PRKG1: variants seen among roughly 807,000 people sequenced by gnomAD.
The protein encoded by PRKG1 is cGMP-dependent protein kinase 1.
Under a neutral mutation model 88.1 loss-of-function variants are expected in PRKG1, and 35 were observed. The ratio of observed to expected loss-of-function variants is 0.40; its 90% CI spans 0.30 to 0.53. PRKG1 has a LOEUF of 0.53. PRKG1 is among the 20% of genes least tolerant of loss of function. The probability of loss-of-function intolerance (pLI) is 0.59; values close to 1 mark genes in which losing one functional copy is unlikely to be tolerated. For synonymous variants in PRKG1, 303 were observed against 292.5 expected, an observed-to-expected ratio of 1.04 and a Z score of -0.37; for missense variants, 540 against 839.8, an observed-to-expected ratio of 0.64 and a Z score of 4.41.
chr10:51,670,893 A>G (rs113751241), intron 3 of PRKG1, among the ~76,000 whole-genome samples: 1 of 151,990 alleles, frequency 6.6e-6, no homozygotes, highest in Non-Finnish European at 1.5e-5. Flanking sequence ...CATTTCCTCT[A>G]ATCTCTTAAT....
At chr10:51,859,080 A>T (rs999529438) in intron 4 of PRKG1, among the ~76,000 whole-genome samples, 6 of 152,182 alleles carry the variant, frequency 3.9e-5, no homozygotes, top group Admixed American at 2.0e-4. Context: ...GAGGAAAGGA[A>T]TATTTCTGAT....
intron 3 of PRKG1, among the ~76,000 whole-genome samples, chr10:51,485,186 T>C (rs764866925): frequency 6.6e-6 from 1 of 152,226 alleles, no homozygotes. Context: ...CCTTTTATTT[T>C]TATTTTTTAA....
chr10:51,917,406 T>G (rs1842367095), intron 5 of PRKG1, among the ~76,000 whole-genome samples: 1 of 152,152 alleles, frequency 6.6e-6, no homozygotes, highest in Non-Finnish European at 1.5e-5. Context: ...TGTACAACTC[T>G]GAATATACCG....
At chr10:51,927,064 A>T (rs1450089832) in intron 5 of PRKG1, among the ~76,000 whole-genome samples, 1 of 152,124 alleles carries the variant, frequency 6.6e-6, no homozygotes, top group African/African-American at 2.4e-5. Context: ...CTTAAAATAT[A>T]GATTTCTAGA....
chr10:51,180,291 GT>G (rs1837309884), intron 2 of PRKG1, among the ~76,000 whole-genome samples: 1 of 152,132 alleles, frequency 6.6e-6, no homozygotes, highest in African/African-American at 2.4e-5. Context: ...TGCTTGGTTG[GT>G]TATGTCACCT....
chr10:52,152,279 A>T (rs1248275553), intron 8 of PRKG1, among the ~76,000 whole-genome samples: 1 of 152,176 alleles, frequency 6.6e-6, no homozygotes, highest in African/African-American at 2.4e-5. Context: ...AGGCCAGGAA[A>T]TACTCTAGTT....
chr10:51,172,674 A>G (rs1415574604), intron 2 of PRKG1, among the ~76,000 whole-genome samples: 1 of 127,462 alleles, frequency 7.8e-6, no homozygotes, highest in African/African-American at 3.2e-5. Flanking sequence ...CTATCTATCT[A>G]TCTATCTATC....
At chr10:51,644,772 C>A (rs1475370143) in intron 3 of PRKG1, among the ~76,000 whole-genome samples, 2 of 152,074 alleles carry the variant, frequency 1.3e-5, no homozygotes, top group East Asian at 1.9e-4. Flanking sequence ...TGGCTTCCTT[C>A]CTTCCTCGCT....
At chr10:51,107,345 G>A (rs766977341) in intron 1 of PRKG1, among the ~76,000 whole-genome samples, 36 of 152,088 alleles carry the variant, frequency 2.4e-4, no homozygotes, top group Admixed American at 4.6e-4. Flanking sequence ...AGTGGGGTGC[G>A]ATATTATATG....
chr10:51,104,280 C>A (rs1844763330), intron 1 of PRKG1, among the ~76,000 whole-genome samples: 1 of 152,116 alleles, frequency 6.6e-6, no homozygotes, highest in Non-Finnish European at 1.5e-5. Flanking sequence ...AATTTGGGTC[C>A]AGAGTGGGAA....
In PRKG1 at chr10:51,957,234, CTA is replaced by C. The variant is rs1386527272; in HGVS notation, c.762+49665_762+49666del. The stretch of plus-strand genomic sequence containing the variant: ...ACCTCCCTCTCCTCTCTCTCTTTCT[CTA>C]CTTCTCTCTTTTCTTTCATACATAG... On this transcript the variant is annotated intron_variant, in intron 5 of 17. Transcript: ENST00000373980. Among the ~76,000 whole-genome samples the C allele has an allele frequency of 2.1e-3, 275 of 132,768 alleles. 1 individual carries two copies. Among genetic ancestry groups the C allele is most frequent in the African/African-American group, 7.1e-3 (261 of 36,618 alleles). The allele number at this position is 132,768 out of a possible 152,430, so 87.1% of individuals were successfully genotyped here.
intron 2 of PRKG1, among the ~76,000 whole-genome samples, chr10:51,236,665 G>A (rs1402141603): frequency 6.6e-6 from 1 of 151,964 alleles, no homozygotes; most frequent in Non-Finnish European, 1.5e-5. Flanking sequence ...ACCATGCCCA[G>A]CTAATTTTTG....
At chr10:51,575,826 A>G (rs1463326276) in intron 3 of PRKG1, among the ~76,000 whole-genome samples, 2 of 151,932 alleles carry the variant, frequency 1.3e-5, no homozygotes, top group Non-Finnish European at 2.9e-5. Flanking sequence ...ATCACTAGTC[A>G]TAAGAACAAT....
At chr10:51,882,212 A>G (rs1380470393) in intron 4 of PRKG1, among the ~76,000 whole-genome samples, 1 of 152,182 alleles carries the variant, frequency 6.6e-6, no homozygotes, top group African/African-American at 2.4e-5. Context: ...ATCTGCTATT[A>G]TTGTTAGAAG....
intron 4 of PRKG1, among the ~76,000 whole-genome samples, chr10:51,811,135 C>A (rs1839446062): frequency 6.6e-6 from 1 of 152,280 alleles, no homozygotes; most frequent in South Asian, 2.1e-4. Context: ...GAGTATTACA[C>A]CTTACCTGGA....
intron 2 of PRKG1, among the ~76,000 whole-genome samples, chr10:51,442,825 C>G (rs1839159656): frequency 6.6e-6 from 1 of 152,044 alleles, no homozygotes; most frequent in Admixed American, 6.6e-5. Flanking sequence ...TAGCCAACCT[C>G]TTAGTGGCCT....
At chr10:51,213,771 T>C (rs1048013585) in intron 2 of PRKG1, among the ~76,000 whole-genome samples, 23 of 152,264 alleles carry the variant, frequency 1.5e-4, no homozygotes, top group Admixed American at 6.5e-4. Flanking sequence ...TGTGGGTGTG[T>C]GTGTTTATGT....
chr10:51,607,054 A>T (rs1356706886), intron 3 of PRKG1, among the ~76,000 whole-genome samples: 2 of 152,178 alleles, frequency 1.3e-5, no homozygotes, highest in African/African-American at 4.8e-5. Context: ...GTGTCTGCTG[A>T]TGAAAAGCCC....
intron 3 of PRKG1, among the ~76,000 whole-genome samples, chr10:51,764,490 T>C (rs1184851755): frequency 6.6e-6 from 1 of 152,138 alleles, no homozygotes; most frequent in Admixed American, 6.5e-5. Flanking sequence ...TGTGAATGTT[T>C]TCTCTCTAAA....
Sources: allele counts gnomAD v4.1 joint callset (sites outside exome capture counted in the v4.1 genomes callset), GRCh38; gene constraint gnomAD v4.1.1; transcripts MANE v1.5; gene names NCBI Gene and HGNC (gene_info 2026-07-23, HGNC 2026-07-21).